The following PPP1R9A variants were observed in gnomAD, a reference collection of about 807,000 sequenced individuals.
PPP1R9A encodes protein phosphatase 1 regulatory subunit 9A.
A neutral mutation model predicts 141.9 loss-of-function variants in PPP1R9A; 59 were observed. The observed-to-expected ratio is 0.42, with a 90% CI of 0.34 to 0.52. The LOEUF (loss-of-function observed/expected upper bound fraction) is 0.52, where lower values mean the gene tolerates loss of function less well. PPP1R9A is among the 20% of genes least tolerant of loss of function. The pLI, the probability that PPP1R9A is intolerant of heterozygous loss-of-function variation, is 0.10. For missense variants in PPP1R9A, 1,444 were observed against 1,611.9 expected (o/e 0.90, Z 1.78); for synonymous variants, 500 against 569.7 (o/e 0.88, Z 1.74).
chr7:95,001,752 A>C (rs574194592), intron 2 of PPP1R9A, among the ~76,000 whole-genome samples: 11 of 152,332 alleles, frequency 7.2e-5, no homozygotes, highest in Non-Finnish European at 1.5e-4. Context: ...GCTGGAGCCT[A>C]CATTAGAAGT....
chr7:95,252,934 C>T (rs922799085), intron 12 of PPP1R9A, among the ~76,000 whole-genome samples: 1 of 152,080 alleles, frequency 6.6e-6, no homozygotes, highest in Admixed American at 6.6e-5. Flanking sequence ...ATGTCAAAGA[C>T]CAAGTAAGAC....
chr7:95,134,398 T>C (rs1426494735), intron 4 of PPP1R9A, among the ~76,000 whole-genome samples: 1 of 152,118 alleles, frequency 6.6e-6, no homozygotes. Flanking sequence ...TGAAGGTTGA[T>C]GGGTGCAGCA....
intron 2 of PPP1R9A, among the ~76,000 whole-genome samples, chr7:94,996,609 A>G (rs144137012): frequency 1.5e-3 from 229 of 152,212 alleles, no homozygotes; most frequent in Non-Finnish European, 2.5e-3. Context: ...TGTTTCCTCA[A>G]ATTCCTTTTG....
At chr7:95,006,788 C>G (rs536932773) in intron 2 of PPP1R9A, among the ~76,000 whole-genome samples, 1 of 152,192 alleles carries the variant, frequency 6.6e-6, no homozygotes, top group South Asian at 2.1e-4. Context: ...TTGCTAATAG[C>G]CTGTTGAGCA....
chr7:95,151,025 T>A (rs1278307300), intron 4 of PPP1R9A, among the ~76,000 whole-genome samples: 1 of 152,174 alleles, frequency 6.6e-6, no homozygotes, highest in Non-Finnish European at 1.5e-5. Flanking sequence ...CTGACAAGGA[T>A]GTAGAGCAAT....
At chr7:95,280,169 A>T (rs1272811540) in intron 16 of PPP1R9A, among the ~76,000 whole-genome samples, 2 of 152,172 alleles carry the variant, frequency 1.3e-5, no homozygotes, top group Non-Finnish European at 2.9e-5. Flanking sequence ...ACAACCTCAA[A>T]CTCCTTGGTG....
intron 4 of PPP1R9A, among the ~76,000 whole-genome samples, chr7:95,144,410 G>T (rs1282903077): frequency 1.3e-5 from 2 of 151,130 alleles, no homozygotes; most frequent in Non-Finnish European, 3.0e-5. Context: ...CAGACACTGG[G>T]TTTTTTTTTC....
At chr7:95,065,150 C>G (rs1231181086) in intron 2 of PPP1R9A, among the ~76,000 whole-genome samples, 1 of 152,152 alleles carries the variant, frequency 6.6e-6, no homozygotes, top group East Asian at 1.9e-4. Context: ...ACTGCAGCCT[C>G]GACCTCCTGG....
At chr7:95,133,460 TATA>T (rs1349181326) in intron 4 of PPP1R9A, among the ~76,000 whole-genome samples, 1 of 150,252 alleles carries the variant, frequency 6.7e-6, no homozygotes. Context: ...TATTACTTTA[TATA>T]ATGTCATTAG....
At chr7:95,043,116 C>T (rs1036698658) in intron 2 of PPP1R9A, among the ~76,000 whole-genome samples, 8 of 152,086 alleles carry the variant, frequency 5.3e-5, no homozygotes, top group Admixed American at 1.3e-4. Context: ...CTTCTTTAAA[C>T]CTACGTTATT....
intron 2 of PPP1R9A, among the ~76,000 whole-genome samples, chr7:95,088,561 A>C (rs927570552): frequency 1.3e-5 from 2 of 152,036 alleles, no homozygotes; most frequent in East Asian, 1.9e-4. Flanking sequence ...AAGTTCGAGA[A>C]GCCTATTGAA....
intron 5 of PPP1R9A, among the ~76,000 whole-genome samples, chr7:95,185,415 A>G (rs1480616787): frequency 6.6e-6 from 1 of 150,662 alleles, no homozygotes; most frequent in Non-Finnish European, 1.5e-5. Context: ...TTCTCTATAG[A>G]TTCTGGGTAT....
chr7:95,273,582 C>G (rs1046042490), intron 14 of PPP1R9A, among the ~76,000 whole-genome samples: 2 of 152,180 alleles, frequency 1.3e-5, no homozygotes, highest in Admixed American at 6.5e-5. Flanking sequence ...AGAGAAGGAA[C>G]AAAAGTCATG....
chr7:95,248,210 T>A (rs1022149093), intron 9 of PPP1R9A, among the ~76,000 whole-genome samples: 3 of 150,168 alleles, frequency 2.0e-5, no homozygotes, highest in African/African-American at 7.4e-5. Flanking sequence ...TAAATTACTT[T>A]TAAAGCAATA....
intron 2 of PPP1R9A, among the ~76,000 whole-genome samples, chr7:95,040,169 C>T (rs1809026638): frequency 6.6e-6 from 1 of 152,072 alleles, no homozygotes; most frequent in Non-Finnish European, 1.5e-5. Context: ...TACCATATAG[C>T]ATGTTTTATG....
chr7:94,980,253 G>A (rs1007875464), intron 2 of PPP1R9A, among the ~76,000 whole-genome samples: 7 of 151,686 alleles, frequency 4.6e-5, no homozygotes, highest in Non-Finnish European at 4.4e-5. Context: ...GTGTTGGGCC[G>A]CTTTCAAAGC....
chr7:95,100,424 TAAG>T (rs1199665287), intron 2 of PPP1R9A, among the ~76,000 whole-genome samples: 3 of 152,202 alleles, frequency 2.0e-5, no homozygotes, highest in Non-Finnish European at 2.9e-5. Flanking sequence ...CCAAATAATA[TAAG>T]AAGAATACTA....
Position 95,269,478 on chromosome 7 carries a change from C to A in PPP1R9A, c.3095C>A (p.Thr1032Asn). 1 of 1,582,988 alleles carries A rather than the reference C, an allele frequency of 6.3e-7. No homozygotes were observed. Among genetic ancestry groups the A allele is most frequent in the Non-Finnish European group, 8.6e-7 (1 of 1,166,190 alleles). ...GAAGAATCTCCTTGCCATCACCAAA[C>A]CACCAACAAGAAAATATTACGAGAA... ...DVEESPCHHQ[T>N]TNKKILREKD... is the part of the protein sequence containing the mutation. The change falls in exon 14 of 20, where the codon ACC (threonine) becomes AAC (asparagine). Residue 1032 changes from threonine (T) to asparagine (N), a missense_variant. Around this residue, in one of 5 missense-constraint regions of PPP1R9A, gnomAD observed 459 missense variants for 513.8 expected, o/e 0.89. Transcript: ENST00000433360.
intron 4 of PPP1R9A, among the ~76,000 whole-genome samples, chr7:95,127,007 T>C (rs1823671439): frequency 1.3e-5 from 2 of 152,026 alleles, no homozygotes; most frequent in Non-Finnish European, 2.9e-5. Context: ...CTCTCTTTCC[T>C]CTTCTCCTCA....
Sources: gnomAD v4.1 joint callset for allele counts (sites outside exome capture counted in the v4.1 genomes callset) on GRCh38, gnomAD v4.1.1 for gene constraint, gnomAD v4.1.1 regional missense constraint, MANE v1.5 for transcripts, NCBI Gene and HGNC (gene_info 2026-07-23, HGNC 2026-07-21) for gene names.